PLCB4: variants seen among roughly 807,000 people sequenced by gnomAD.
PLCB4 encodes 1-phosphatidylinositol 4,5-bisphosphate phosphodiesterase beta-4.
In PLCB4, 77 loss-of-function variants were observed where a neutral mutation model predicts 178.8. That is an observed-to-expected ratio of 0.43 (90% CI 0.36 to 0.52). The LOEUF (loss-of-function observed/expected upper bound fraction) is 0.52, where lower values mean the gene tolerates loss of function less well. PLCB4 is among the 20% of genes least tolerant of loss of function. The probability of loss-of-function intolerance (pLI) is 0.00; values close to 1 mark genes in which losing one functional copy is unlikely to be tolerated. For missense variants in PLCB4, 1,024 were observed against 1,453.4 expected, an observed-to-expected ratio of 0.70 and a Z score of 4.80; for synonymous variants, 496 against 490.8, an observed-to-expected ratio of 1.01 and a Z score of -0.14.
At chr20:9,351,203 T>C (rs2034309710) in intron 7 of PLCB4, among the ~76,000 whole-genome samples, 1 of 152,126 alleles carries the variant, frequency 6.6e-6, no homozygotes, top group Admixed American at 6.5e-5. Flanking sequence ...TTTACTCTTT[T>C]TTTTTAAGTT....
intron 3 of PLCB4, among the ~76,000 whole-genome samples, chr20:9,269,400 T>G (rs1408138351): frequency 6.6e-6 from 1 of 152,132 alleles, no homozygotes; most frequent in Non-Finnish European, 1.5e-5. Flanking sequence ...ACATTGGAAG[T>G]GGAGTCTTTC....
chr20:9,470,172 T>A (rs2044085844), intron 36 of PLCB4, among the ~76,000 whole-genome samples: 1 of 151,594 alleles, frequency 6.6e-6, no homozygotes, highest in Non-Finnish European at 1.5e-5. Context: ...CTACTAAAAA[T>A]ACAAAAAAAT....
chr20:9,269,701 G>A (rs958701368), intron 3 of PLCB4, among the ~76,000 whole-genome samples: 3 of 152,142 alleles, frequency 2.0e-5, no homozygotes, highest in African/African-American at 7.2e-5. Flanking sequence ...ACCACTCTAG[G>A]TATTTCACAC....
intron 3 of PLCB4, 105 bp from the exon 4 acceptor site, chr20:9,307,695 A>G (rs1601746720): frequency 7.9e-6 from 4 of 507,748 alleles, no homozygotes; most frequent in Admixed American, 3.8e-5. Flanking sequence ...CGTATTCCAC[A>G]TATTTAAAGT....
At chr20:9,337,095 T>C (rs747729380) in intron 4 of PLCB4, 31 bp from the exon 5 acceptor site, 1 of 1,409,552 alleles carries the variant, frequency 7.1e-7, no homozygotes, top group Non-Finnish European at 1.0e-6. Context: ...ATGGTGTGAG[T>C]CATGAAGATC....
chr20:9,082,661 G>A (rs774981867), intron 1 of PLCB4, among the ~76,000 whole-genome samples: 2 of 152,178 alleles, frequency 1.3e-5, no homozygotes, highest in Non-Finnish European at 2.9e-5. Flanking sequence ...ATAGCACTTG[G>A]AAATACAGAT....
chr20:9,323,281 C>A (rs1334179760), intron 4 of PLCB4, among the ~76,000 whole-genome samples: 1 of 152,216 alleles, frequency 6.6e-6, no homozygotes, highest in African/African-American at 2.4e-5. Flanking sequence ...ATCACATTCT[C>A]CAAGAGGCCT....
At chr20:9,408,515 TG>T in intron 22 of PLCB4, 117 bp from the exon 23 acceptor site, 1 of 584,618 alleles carries the variant, frequency 1.7e-6, no homozygotes, top group South Asian at 2.4e-5. Flanking sequence ...GACATGATAA[TG>T]TAGCATTAGC....
intron 30 of PLCB4, among the ~76,000 whole-genome samples, chr20:9,441,238 A>T (rs6056627): frequency 7.9e-5 from 12 of 152,080 alleles, no homozygotes; most frequent in Non-Finnish European, 1.8e-4. Context: ...TGTAAGTGAG[A>T]GGTCTGTTCT....
At chr20:9,083,329 A>G (rs2090246226) in intron 1 of PLCB4, among the ~76,000 whole-genome samples, 2 of 151,750 alleles carry the variant, frequency 1.3e-5, no homozygotes, top group South Asian at 4.2e-4. Context: ...GACACAGGGT[A>G]TGAGACCCTC....
At chr20:9,460,977 C>CT (rs2043352096) in intron 35 of PLCB4, among the ~76,000 whole-genome samples, 1 of 152,144 alleles carries the variant, frequency 6.6e-6, no homozygotes, top group South Asian at 2.1e-4. Context: ...GTTGTCTTTT[C>CT]TTTTTTCCTT....
chr20:9,266,228 G>A (rs1000315144), intron 3 of PLCB4, among the ~76,000 whole-genome samples: 2 of 152,134 alleles, frequency 1.3e-5, no homozygotes, highest in African/African-American at 4.8e-5. Context: ...CTCTGCCCCA[G>A]ATCTACTGAA....
At chr20:9,231,507 C>T (rs910148205) in intron 3 of PLCB4, among the ~76,000 whole-genome samples, 1 of 152,062 alleles carries the variant, frequency 6.6e-6, no homozygotes, top group African/African-American at 2.4e-5. Context: ...AAGGGAGCCC[C>T]CCCATCTAAT....
chr20:9,304,223 G>A (rs1341550769), intron 3 of PLCB4, among the ~76,000 whole-genome samples: 1 of 150,890 alleles, frequency 6.6e-6, no homozygotes, highest in Non-Finnish European at 1.5e-5. Context: ...ATTAAGGGGT[G>A]TATGTATGTG....
intron 4 of PLCB4, among the ~76,000 whole-genome samples, chr20:9,329,678 C>T (rs1426026594): frequency 6.6e-6 from 1 of 152,200 alleles, no homozygotes; most frequent in East Asian, 1.9e-4. Flanking sequence ...GCAGGAGCTA[C>T]ACATGCTGTT....
At chr20:9,197,169 C>T (rs576069102) in intron 2 of PLCB4, among the ~76,000 whole-genome samples, 8 of 152,266 alleles carry the variant, frequency 5.3e-5, no homozygotes, top group African/African-American at 7.2e-5. Context: ...AGGTAAACGA[C>T]CATGTGGGCC....
chr20:9,408,830 T>C (rs538248105), intron 23 of PLCB4, 113 bp downstream of exon 23: 32 of 714,602 alleles, frequency 4.5e-5, no homozygotes, highest in African/African-American at 3.0e-4. Flanking sequence ...CATAAAATGA[T>C]ATGTGGGAAA....
intron 2 of PLCB4, among the ~76,000 whole-genome samples, chr20:9,200,220 T>TA (rs2147183188): frequency 6.6e-6 from 1 of 152,266 alleles, no homozygotes; most frequent in South Asian, 2.1e-4. Context: ...TTTTTCAGAC[T>TA]AAGTGATTGT....
intron 2 of PLCB4, among the ~76,000 whole-genome samples, chr20:9,170,583 G>A (rs2093048411): frequency 1.3e-5 from 2 of 152,146 alleles, no homozygotes; most frequent in South Asian, 2.1e-4. Context: ...TGTGTTTGAG[G>A]ATACAGTAAC....
Sources: allele counts gnomAD v4.1 joint callset (sites outside exome capture counted in the v4.1 genomes callset), GRCh38; gene constraint gnomAD v4.1.1; transcripts MANE v1.5; gene names NCBI Gene and HGNC (gene_info 2026-07-23, HGNC 2026-07-21).